SLC7A2: variants seen among roughly 807,000 people sequenced by gnomAD.
SLC7A2 encodes the protein solute carrier family 7 member 2.
In SLC7A2, 48 loss-of-function variants were observed where a neutral mutation model predicts 58.9. The ratio of observed to expected loss-of-function variants is 0.82; its 90% CI spans 0.65 to 1.04. The LOEUF (loss-of-function observed/expected upper bound fraction) is 1.04. Ranked by LOEUF, SLC7A2 falls within the 50% of genes least tolerant of loss-of-function variation. The pLI is 0.00. For synonymous variants in SLC7A2, 363 were observed against 314.5 expected (o/e 1.15, Z -1.63); for missense variants, 1,029 against 818.8 (o/e 1.26, Z -3.13).
intron 11 of SLC7A2, among the ~76,000 whole-genome samples, 180 bp downstream of exon 11, chr8:17,562,290 T>C (rs570989750): frequency 2.0e-5 from 3 of 147,808 alleles, no homozygotes; most frequent in South Asian, 4.5e-4. Flanking sequence ...ACTGCAACTT[T>C]TGCCTCCCGG....
At chr8:17,538,290 C>T (rs1040025445) in intron 2 of SLC7A2, among the ~76,000 whole-genome samples, 2 of 152,200 alleles carry the variant, frequency 1.3e-5, no homozygotes, top group African/African-American at 2.4e-5. Flanking sequence ...CTTGCACGAA[C>T]TTCTCTGGAG....
intron 8 of SLC7A2, among the ~76,000 whole-genome samples, chr8:17,557,979 T>C (rs1802788442): frequency 1.3e-5 from 2 of 152,192 alleles, no homozygotes; most frequent in Non-Finnish European, 2.9e-5. Flanking sequence ...AGTGTTTTTC[T>C]TCTGAAATAT....
At chr8:17,520,840 G>T (rs1800987151) in intron 2 of SLC7A2, 1 of 325,162 alleles carries the variant, frequency 3.1e-6, no homozygotes, top group South Asian at 1.2e-4. Context: ...CTCCAGTATT[G>T]ATTTGTGACC....
In SLC7A2 at chr8:17,512,212, T is replaced by G. The variant is rs117091079; in HGVS notation, c.-23+9910T>G. The stretch of plus-strand genomic sequence containing the variant: ...AGTAGAGTAACAAAAGATATGGCTT[T>G]TTTTCAAGGCCCTGGAGACACACAG... On this transcript the variant is annotated intron_variant, in intron 2 of 12. Transcript: ENST00000494857. Among the ~76,000 whole-genome samples the G allele has an allele frequency of 6.3e-3, 960 of 152,176 alleles. 30 individuals are homozygous for G. The South Asian group carries it at 0.088, about 14-fold the overall frequency.
In SLC7A2 at chr8:17,562,233, CTT is replaced by C. The variant is rs1259316000; in HGVS notation, c.1671+125_1671+126del. Reference sequence around the variant, plus strand: ...TTTTTTTTGGAGATGGAATCTCTCTCTTTGTCACTCAGGCTGGAGTGCAATGG... The same window carrying C: ...TTTTTTTTGGAGATGGAATCTCTCTCTGTCACTCAGGCTGGAGTGCAATGG... On this transcript the variant is annotated intron_variant, in intron 11 of 12. Coordinates refer to ENST00000494857, the MANE Select transcript of SLC7A2 (RefSeq NM_001370338.1). 2.8e-5 allele frequency: 23 copies of C among 816,970 alleles called. No individual in the cohort carries two copies. In the African/African-American group the frequency reaches 4.7e-4, roughly 17 times the overall value. The allele number at this position is 816,970 out of a possible 1,614,324, so 50.6% of individuals were successfully genotyped here.
At chr8:17,514,093 G>T (rs1240238948) in intron 2 of SLC7A2, among the ~76,000 whole-genome samples, 3 of 152,074 alleles carry the variant, frequency 2.0e-5, no homozygotes, top group African/African-American at 7.3e-5. Context: ...GCCCTTATTG[G>T]GAGTAAAAAC....
chr8:17,495,119 G>C (rs1034148558), upstream of SLC7A2, among the ~76,000 whole-genome samples: 1 of 152,102 alleles, frequency 6.6e-6, no homozygotes, highest in Admixed American at 6.5e-5. Context: ...TTAAAAATAG[G>C]AATCTCTATT....
rs185435688 is a variant in SLC7A2 at position 17,511,838 on chromosome 8, A to G, written c.-23+9536A>G. On this transcript the variant is annotated intron_variant, in intron 2 of 12. Coordinates refer to ENST00000494857, the MANE Select transcript of SLC7A2 (RefSeq NM_001370338.1). ...GAAAGTTAAAATTTAGAGGGCTGGA[A>G]CCCATGCTAGGGCTGGCCACCAAAA... Among the ~76,000 whole-genome samples the G allele has an allele frequency of 2.4e-3, 367 of 152,212 alleles. 2 individuals carry two copies. The highest frequency in any genetic ancestry group is 8.5e-3 in the African/African-American group (354 of 41,536).
intron 2 of SLC7A2, among the ~76,000 whole-genome samples, chr8:17,504,479 C>G (rs1800287869): frequency 6.6e-6 from 1 of 152,066 alleles, no homozygotes; most frequent in Admixed American, 6.6e-5. Context: ...GATAGAATTG[C>G]CAGTGGTTCT....
chr8:17,549,998 G>A lies in SLC7A2; in HGVS notation c.699-303G>A, dbSNP rs143967270. ...TGGTCTTTGTCCCAGAGCATGGCTC[G>A]TATGTGGAATCTCTGCTCTCAAAAT... On this transcript the variant is annotated intron_variant, in intron 5 of 12. Coordinates refer to ENST00000494857, the MANE Select transcript of SLC7A2 (RefSeq NM_001370338.1). Among the ~76,000 whole-genome samples, 714 of 152,246 alleles carry A rather than the reference G, an allele frequency of 4.7e-3. 4 individuals are homozygous for A. The highest frequency in any genetic ancestry group is 7.0e-3 in the Admixed American group (107 of 15,292).
At chr8:17,497,389 G>T (rs1396480666) in intron 1 of SLC7A2, among the ~76,000 whole-genome samples, 152 bp downstream of exon 1, 1 of 152,092 alleles carries the variant, frequency 6.6e-6, no homozygotes, top group African/African-American at 2.4e-5. Context: ...CCAGCTGCGC[G>T]CAGCTGCCCT....
At position 17,569,073 on chromosome 8, in the gene SLC7A2, A is replaced by G. The variant is rs1409017579; in HGVS notation, c.*3927A>G. 5 of 152,226 alleles carry G rather than the reference A, an allele frequency of 3.3e-5. No individual in the cohort carries two copies. The East Asian group carries it at 9.6e-4, about 29-fold the overall frequency. The allele number at this position is 152,226 out of a possible 1,614,324, so 9.4% of individuals were successfully genotyped here. A position where few individuals can be genotyped will look rare whatever the true frequency, so the allele number is the denominator to read the frequency against. ...CATAAGGAAAAGCCATCGGCCTCCA[A>G]TACCCATGATGACAGAGGGAGCACT... On this transcript the variant is annotated 3_prime_UTR_variant, in exon 13 of 13. Transcript: ENST00000494857.
chr8:17,543,211 C>T (rs1256191723), intron 2 of SLC7A2, 107 bp from the exon 3 acceptor site: 3 of 984,418 alleles, frequency 3.0e-6, no homozygotes, highest in Non-Finnish European at 4.5e-6. Context: ...CACACACACA[C>T]ACACAAACAC....
At chr8:17,497,764 C>A (rs887645235) in intron 1 of SLC7A2, among the ~76,000 whole-genome samples, 3 of 152,180 alleles carry the variant, frequency 2.0e-5, no homozygotes, top group African/African-American at 7.2e-5. Context: ...TCACATTCTG[C>A]AGGGGACCTG....
chr8:17,550,159 G>C (rs76454943), intron 5 of SLC7A2, 142 bp from the exon 6 acceptor site: 4 of 731,076 alleles, frequency 5.5e-6, no homozygotes, highest in Non-Finnish European at 6.7e-6. Context: ...CAGGGTGAGA[G>C]AGTAAAGTTT....
chr8:17,516,651 C>G (rs1033184446), intron 2 of SLC7A2, among the ~76,000 whole-genome samples: 22 of 152,202 alleles, frequency 1.4e-4, no homozygotes, highest in African/African-American at 5.3e-4. Flanking sequence ...CACAGCTGTA[C>G]CCTTGCTTAT....
chr8:17,537,517 T>G (rs1801723355), intron 2 of SLC7A2, among the ~76,000 whole-genome samples: 1 of 152,172 alleles, frequency 6.6e-6, no homozygotes, highest in Admixed American at 6.5e-5. Flanking sequence ...TTTGACTGTT[T>G]AACCCTGAGT....
At chr8:17,546,073 A>G (rs1040376572) in intron 4 of SLC7A2, among the ~76,000 whole-genome samples, 6 of 152,220 alleles carry the variant, frequency 3.9e-5, no homozygotes, top group African/African-American at 1.4e-4. Flanking sequence ...GTTTTTCAAC[A>G]AAGAATTGAT....
intron 2 of SLC7A2, among the ~76,000 whole-genome samples, chr8:17,502,752 G>A (rs917599360): frequency 2.0e-5 from 3 of 152,020 alleles, no homozygotes; most frequent in Non-Finnish European, 2.9e-5. Context: ...TTTCCTAGGG[G>A]AATCACTTCA....
Sources: allele counts gnomAD v4.1 joint callset (sites outside exome capture counted in the v4.1 genomes callset), GRCh38; gene constraint gnomAD v4.1.1; transcripts MANE v1.5; gene names NCBI Gene and HGNC (gene_info 2026-07-23, HGNC 2026-07-21).